HCN3: variants seen among roughly 807,000 people sequenced by gnomAD.
HCN3 encodes potassium/sodium hyperpolarization-activated cyclic nucleotide-gated channel 3.
In HCN3, 36 loss-of-function variants were observed where a neutral mutation model predicts 56.8. That is an observed-to-expected ratio of 0.63 (90% CI 0.49 to 0.84). The LOEUF is 0.84. Among genes scored for constraint, HCN3 ranks in the 40% least tolerant of loss-of-function variants. The pLI is 0.00. For synonymous variants in HCN3, 425 were observed against 439.7 expected, an observed-to-expected ratio of 0.97 and a Z score of 0.42; for missense variants, 930 against 1,079.3, an observed-to-expected ratio of 0.86 and a Z score of 1.94.
rs781603315 is a variant in HCN3 at position 155,277,686 on chromosome 1, G to T, written c.96G>T (p.Ala32=). Reference sequence around the variant, plus strand: ...CCGTTGCTCCCCCGCCTGCGACCGCGGCCTCAGGTCCGATCCCCAAATCTG... The same window carrying T: ...CCGTTGCTCCCCCGCCTGCGACCGCTGCCTCAGGTCCGATCCCCAAATCTG... The part of the protein sequence containing the change: ...VPPVAPPPAT[A]ASGPIPKSGP... Residue 32 remains alanine, a synonymous_variant, in exon 1 of 8, where the codon GCG becomes GCT. Transcript: ENST00000368358. The T allele has an allele frequency of 1.9e-6, 3 of 1,563,706 alleles. No individual in the cohort carries two copies. The highest frequency in any genetic ancestry group is 2.6e-6 in the Non-Finnish European group (3 of 1,154,986).
chr1:155,284,435 C>A lies in HCN3; in HGVS notation c.871-104C>A. The A allele has an allele frequency of 8.0e-7, 1 of 1,245,700 alleles. No individual in the cohort carries two copies. The highest frequency in any genetic ancestry group is 1.1e-6 in the Non-Finnish European group (1 of 907,832). 77.2% of individuals were successfully genotyped at this position (1,245,700 alleles called of 1,614,324 possible). On this transcript the variant is annotated intron_variant, in intron 3 of 7. Transcript: ENST00000368358. The surrounding 1 kb of genome is among the most constrained non-coding windows in gnomAD (Gnocchi z 4.3). ...AAGTGCCTGCCAGGAGGAAGGCCTG[C>A]AGTAGAAGGGGCAGACAGAAAGACC...
At chr1:155,279,825 A>G (rs1673948904) in intron 1 of HCN3, among the ~76,000 whole-genome samples, 1 of 152,156 alleles carries the variant, frequency 6.6e-6, no homozygotes, top group South Asian at 2.1e-4. Flanking sequence ...AGATTAGCAC[A>G]GGATACTTTA....
At position 155,285,260 on chromosome 1, in the gene HCN3, G is replaced by T. The variant is rs146894220; in HGVS notation, c.1185G>T (p.Lys395Asn). ...HEYYEHRYQG[K>N]MFDEESILGE... ...ACTATGAGCACCGCTACCAGGGCAA[G>T]ATGTTCGATGAGGAAAGCATCCTGG... is the stretch of plus-strand genomic sequence containing the variant. The change falls in exon 5 of 8, where the codon AAG becomes AAT. Residue 395 changes from lysine to asparagine, a missense_variant. Coordinates refer to ENST00000368358, the MANE Select transcript of HCN3 (RefSeq NM_020897.3). The surrounding 1 kb of genome is among the most constrained non-coding windows in gnomAD (Gnocchi z 4.5). The T allele has an allele frequency of 3.1e-6, 5 of 1,613,046 alleles. No homozygotes were observed. In the African/African-American group the frequency reaches 6.7e-5, roughly 22 times the overall value.
chr1:155,277,708 T>C lies in HCN3; in HGVS notation c.118T>C (p.Ser40Pro). 1 of 1,578,580 alleles carries C rather than the reference T, an allele frequency of 6.3e-7. No individual in the cohort carries two copies. Among genetic ancestry groups the C allele is most frequent in the East Asian group, 2.3e-5 (1 of 42,936 alleles). ...CGCGGCCTCAGGTCCGATCCCCAAA[T>C]CTGGGCCTGAGCCTAAGAGGAGGCA... ...ATAASGPIPK[S>P]GPEPKRRHLG... Residue 40 changes from serine (S) to proline (P), a missense_variant, in exon 1 of 8, where the codon TCT becomes CCT. Ser to Pro is a moderately conservative substitution (Grantham distance 74). Transcript: ENST00000368358.
At chr1:155,283,897 A>G in intron 2 of HCN3, 77 bp from the exon 3 acceptor site, 1 of 1,508,664 alleles carries the variant, frequency 6.6e-7, no homozygotes, top group South Asian at 1.2e-5. Flanking sequence ...TCAGAAGAGA[A>G]TTTGCCAGGC....
At position 155,282,098 on chromosome 1, in the gene HCN3, GTGT is replaced by G. The variant is rs1216158826; in HGVS notation, c.279-308_279-306del. On this transcript the variant is annotated intron_variant, in intron 1 of 7. Coordinates refer to ENST00000368358, the MANE Select transcript of HCN3 (RefSeq NM_020897.3). This position sits in a 1 kb window ranked among gnomAD's most constrained non-coding sequence, Gnocchi z 4.7. ...TACATTTTTCTACACAAGGACATGTGTGTTGTTCTCAAATTTAATGCTGCTATA... is the reference window on the plus strand; with the variant it reads ...TACATTTTTCTACACAAGGACATGTGTGTTCTCAAATTTAATGCTGCTATA... Among the ~76,000 whole-genome samples the G allele has an allele frequency of 6.6e-6, 1 of 152,178 alleles. No homozygotes were observed. The highest frequency in any genetic ancestry group is 1.5e-5 in the Non-Finnish European group (1 of 68,036).
chr1:155,284,121 A>C lies in HCN3; in HGVS notation c.856A>C (p.Ile286Leu). ...CTTCCCTCCCGACTGCTGGGTCTCC[A>C]TCAACCACATGGTGGTGAGAAGTCC... The part of the protein sequence containing the change: ...QDFPPDCWVS[I>L]NHMVNHSWGR... The change falls in exon 3 of 8, where the codon ATC becomes CTC. Residue 286 changes from isoleucine to leucine, a missense_variant. Physicochemically the swap from Ile to Leu is conservative, Grantham distance 5. Transcript: ENST00000368358. The surrounding 1 kb of genome is among the most constrained non-coding windows in gnomAD (Gnocchi z 4.3). 6.2e-7 allele frequency: 1 copy of C among 1,614,126 alleles called. No homozygotes were observed. Among genetic ancestry groups the C allele is most frequent in the Non-Finnish European group, 8.5e-7 (1 of 1,179,972 alleles).
rs59062514 is a variant in HCN3 at position 155,281,858 on chromosome 1, T to C, written c.279-553T>C. On this transcript the variant is annotated intron_variant, in intron 1 of 7. Transcript: ENST00000368358. The stretch of plus-strand genomic sequence containing the variant: ...AGTACACCTCAGCCTCCTGAGTAGC[T>C]GGGACTTTAGGTGTGCACCACCTGG... 0.059 allele frequency among the ~76,000 whole-genome samples: 9,014 copies of C among 152,208 alleles called. 1,610 individuals carry two copies. In the East Asian group the frequency reaches 0.68, roughly 12 times the overall value.
chr1:155,288,293 C>T lies in HCN3; in HGVS notation c.2155C>T (p.Leu719=). ...GRPLSASQPS[L]PQRATGDGSP... ...CCCACTCTCAGCCTCCCAACCCTCT[C>T]TGCCTCAGCGGGCAACAGGCGATGG... Residue 719 remains leucine (L), a synonymous_variant, in exon 8 of 8, where the codon CTG becomes TTG. Coordinates refer to ENST00000368358, the MANE Select transcript of HCN3 (RefSeq NM_020897.3). The surrounding 1 kb of genome is among the most constrained non-coding windows in gnomAD (Gnocchi z 6.5). 6.2e-7 allele frequency: 1 copy of T among 1,611,920 alleles called. No individual in the cohort carries two copies. Among genetic ancestry groups the T allele is most frequent in the Non-Finnish European group, 8.5e-7 (1 of 1,179,602 alleles).
At position 155,288,215 on chromosome 1, in the gene HCN3, C is replaced by G. The variant is rs1283020156; in HGVS notation, c.2077C>G (p.Leu693Val). Residue 693 changes from leucine to valine, a missense_variant, in exon 8 of 8, where the codon CTG (leucine) becomes GTG (valine). By Grantham distance (32) the Leu-to-Val change is conservative. Transcript: ENST00000368358. This position sits in a 1 kb window ranked among gnomAD's most constrained non-coding sequence, Gnocchi z 6.5. Reference protein sequence around the residue: ...LSRAGRSQVSLLGPPPGGGGR... With the variant: ...LSRAGRSQVSVLGPPPGGGGR... ...CCGGGCAGGGCGCTCCCAGGTCTCC[C>G]TGCTGGGTCCCCCTCCAGGAGGAGG... The G allele has an allele frequency of 1.3e-6, 2 of 1,576,750 alleles. No individual in the cohort carries two copies. The highest frequency in any genetic ancestry group is 1.7e-6 in the Non-Finnish European group (2 of 1,165,848).
intron 7 of HCN3, 40 bp downstream of exon 7, chr1:155,287,377 T>C (rs749013153): frequency 6.2e-7 from 1 of 1,606,722 alleles, no homozygotes; most frequent in South Asian, 1.1e-5. Flanking sequence ...GTCCAGACTG[T>C]GCTCTCACCC....
Position 155,284,261 on chromosome 1 carries a change from G to A in HCN3, c.870+126G>A, listed in dbSNP as rs1241856029. ...CAACAGAAAATAGGAGCGAGGAGGT[G>A]GGGAGGAGGGAGGAAAGGGGAAGGA... On this transcript the variant is annotated intron_variant, in intron 3 of 7. Coordinates refer to ENST00000368358, the MANE Select transcript of HCN3 (RefSeq NM_020897.3). The surrounding 1 kb of genome is among the most constrained non-coding windows in gnomAD (Gnocchi z 4.3). 1 of 1,165,196 alleles carries A rather than the reference G, an allele frequency of 8.6e-7. No individual in the cohort carries two copies. The highest frequency in any genetic ancestry group is 2.5e-5 in the East Asian group (1 of 39,428). 72.2% of individuals were successfully genotyped at this position (1,165,196 alleles called of 1,614,324 possible).
Position 155,288,412 on chromosome 1 carries a change from AGTGCCT to A in HCN3, c.2276_2281del (p.Val759_Pro760del), listed in dbSNP as rs1674393118. 1 of 1,612,608 alleles carries A rather than the reference AGTGCCT, an allele frequency of 6.2e-7. No individual in the cohort carries two copies. The highest frequency in any genetic ancestry group is 8.5e-7 in the Non-Finnish European group (1 of 1,179,424). ...GGACAGCCCAGCCCCCCAGGCCACC[AGTGCCT>A]GAGCCAGCCACACCCCGGGGTCTCC... On this transcript the variant is annotated inframe_deletion, in exon 8 of 8. Transcript: ENST00000368358. This position sits in a 1 kb window ranked among gnomAD's most constrained non-coding sequence, Gnocchi z 6.5.
rs1279659500 is a variant in HCN3, at chr1:155,284,217, A to G, written c.870+82A>G. 6.7e-7 allele frequency: 1 copy of G among 1,495,348 alleles called. No individual in the cohort carries two copies. The highest frequency in any genetic ancestry group is 9.2e-7 in the Non-Finnish European group (1 of 1,089,970). 92.6% of individuals were successfully genotyped at this position (1,495,348 alleles called of 1,614,324 possible). ...AGTAGCAGGGATGGCCACAGGGAGC[A>G]GGAGGTGGGAGATGATCACAACAGA... On this transcript the variant is annotated intron_variant, in intron 3 of 7. Coordinates refer to ENST00000368358, the MANE Select transcript of HCN3 (RefSeq NM_020897.3). This position sits in a 1 kb window ranked among gnomAD's most constrained non-coding sequence, Gnocchi z 4.3.
At position 155,285,696 on chromosome 1, in the gene HCN3, C is replaced by T; in HGVS notation, c.1237-28C>T. ...GATCATCTCAGGTCAGGGGCACAGCCTGCCTGACAGGCCCCTCCCCTGTCC... is the reference window on the plus strand; with the variant it reads ...GATCATCTCAGGTCAGGGGCACAGCTTGCCTGACAGGCCCCTCCCCTGTCC... On this transcript the variant is annotated intron_variant, in intron 5 of 7. Coordinates refer to ENST00000368358, the MANE Select transcript of HCN3 (RefSeq NM_020897.3). This position sits in a 1 kb window ranked among gnomAD's most constrained non-coding sequence, Gnocchi z 4.5. 1 of 1,612,466 alleles carries T rather than the reference C, an allele frequency of 6.2e-7. No homozygotes were observed. The highest frequency in any genetic ancestry group is 8.5e-7 in the Non-Finnish European group (1 of 1,178,970).
In HCN3 at chr1:155,285,140, C is replaced by T. The variant is rs773352190; in HGVS notation, c.1090-25C>T. The T allele has an allele frequency of 6.2e-7, 1 of 1,610,188 alleles. No individual in the cohort carries two copies. The highest frequency in any genetic ancestry group is 8.5e-7 in the Non-Finnish European group (1 of 1,177,114). The stretch of plus-strand genomic sequence containing the variant: ...CAAATCTCTCCCTCTGTCCTCTTGC[C>T]CCTGGCAATGGGCTGGCCCTCCAGT... On this transcript the variant is annotated intron_variant, in intron 4 of 7. Transcript: ENST00000368358. This position sits in a 1 kb window ranked among gnomAD's most constrained non-coding sequence, Gnocchi z 4.5.
At position 155,284,530 on chromosome 1, in the gene HCN3, GC is replaced by G; in HGVS notation, c.871-5del. ...CATGCCCAGCTCTGCAATATACTCTGCCCCTCAGAACCACTCGTGGGGCCGC... is the reference window on the plus strand; with the variant it reads ...CATGCCCAGCTCTGCAATATACTCTGCCCTCAGAACCACTCGTGGGGCCGC... On this transcript the variant is annotated splice_region_variant and splice_polypyrimidine_tract_variant and intron_variant, in intron 3 of 7. Coordinates refer to ENST00000368358, the MANE Select transcript of HCN3 (RefSeq NM_020897.3). The surrounding 1 kb of genome is among the most constrained non-coding windows in gnomAD (Gnocchi z 4.3). The G allele has an allele frequency of 6.2e-7, 1 of 1,609,068 alleles. No homozygotes were observed. Among genetic ancestry groups the G allele is most frequent in the South Asian group, 1.1e-5 (1 of 90,904 alleles).
At position 155,288,207 on chromosome 1, in the gene HCN3, A is replaced by AGGTCTCCCTGCTG; in HGVS notation, c.2074_2086dup (p.Pro696LeufsTer41). 1 of 1,575,448 alleles carries AGGTCTCCCTGCTG rather than the reference A, an allele frequency of 6.3e-7. No individual in the cohort carries two copies. The highest frequency in any genetic ancestry group is 8.6e-7 in the Non-Finnish European group (1 of 1,165,396). On this transcript the variant is annotated frameshift_variant, in exon 8 of 8. Transcript: ENST00000368358. LOFTEE classifies it high-confidence loss of function. This position sits in a 1 kb window ranked among gnomAD's most constrained non-coding sequence, Gnocchi z 6.5. Reference sequence around the variant, plus strand: ...AGCCTATCCCGGGCAGGGCGCTCCCAGGTCTCCCTGCTGGGTCCCCCTCCA... The same window carrying AGGTCTCCCTGCTG: ...AGCCTATCCCGGGCAGGGCGCTCCCAGGTCTCCCTGCTGGGTCTCCCTGCTGGGTCCCCCTCCA...
Position 155,288,346 on chromosome 1 carries a change from T to A in HCN3, c.2208T>A (p.Ser736Arg). ...DGSPGRKGSG[S>R]ERLPPSGLLA... is the part of the protein sequence containing the mutation. ...CTCCTGGGCGTAAGGGATCAGGAAG[T>A]GAGCGGCTGCCTCCCTCAGGGCTCC... The change falls in exon 8 of 8, where the codon AGT (serine) becomes AGA (arginine). Residue 736 changes from serine to arginine, a missense_variant. Physicochemically the swap from Ser to Arg is moderately radical, Grantham distance 110. Coordinates refer to ENST00000368358, the MANE Select transcript of HCN3 (RefSeq NM_020897.3). The surrounding 1 kb of genome is among the most constrained non-coding windows in gnomAD (Gnocchi z 6.5). The A allele has an allele frequency of 2.5e-6, 4 of 1,613,876 alleles. No homozygotes were observed. Among genetic ancestry groups the A allele is most frequent in the Non-Finnish European group, 2.5e-6 (3 of 1,179,982 alleles).
Sources: allele counts gnomAD v4.1 joint callset (sites outside exome capture counted in the v4.1 genomes callset), GRCh38; gene constraint gnomAD v4.1.1; non-coding constraint Gnocchi (gnomAD v3.1); transcripts MANE v1.5; gene names NCBI Gene and HGNC (gene_info 2026-07-23, HGNC 2026-07-21).